The following PCSK5 variants were observed in gnomAD, a reference collection of about 807,000 sequenced individuals.
The protein encoded by PCSK5 is prohormone convertase 5.
A neutral mutation model predicts 233.2 loss-of-function variants in PCSK5; 129 were observed. That is an observed-to-expected ratio of 0.55 (90% confidence interval 0.48 to 0.64). PCSK5 has a LOEUF of 0.64. PCSK5 is among the 30% of genes least tolerant of loss of function. The pLI is 0.00. For synonymous variants in PCSK5, 825 were observed against 879.2 expected (o/e 0.94, Z 1.09); for missense variants, 2,076 against 2,430.1 (o/e 0.85, Z 3.06).
In PCSK5 at chr9:76,360,135, A is replaced by G. The variant is rs1830405860; in HGVS notation, c.*1213A>G. On this transcript the variant is annotated 3_prime_UTR_variant, in exon 38 of 38. Transcript: ENST00000674117. Reference sequence around the variant, plus strand: ...CTTACAGATTTCCTTGTCAAAATAGACCTTACAGGCAGTACTAGAAATGGA... The same window carrying G: ...CTTACAGATTTCCTTGTCAAAATAGGCCTTACAGGCAGTACTAGAAATGGA... 1 of 152,196 alleles carries G rather than the reference A, an allele frequency of 6.6e-6. No homozygotes were observed. The highest frequency in any genetic ancestry group is 2.1e-4 in the South Asian group (1 of 4,828). The allele number at this position is 152,196 out of a possible 1,614,324, so 9.4% of individuals were successfully genotyped here.
At chr9:76,061,166 T>TA (rs1830015355) in intron 5 of PCSK5, among the ~76,000 whole-genome samples, 1 of 152,108 alleles carries the variant, frequency 6.6e-6, no homozygotes, top group Non-Finnish European at 1.5e-5. Flanking sequence ...ACCAACAGTA[T>TA]AATAAATAAG....
chr9:76,206,536 TG>T (rs1371490047), intron 20 of PCSK5, among the ~76,000 whole-genome samples: 3 of 152,164 alleles, frequency 2.0e-5, no homozygotes, highest in Non-Finnish European at 2.9e-5. Context: ...ATTTGAGCAG[TG>T]GGCAGGGCAC....
At position 75,891,176 on chromosome 9, in the gene PCSK5, G is replaced by A. The variant is rs770940928; in HGVS notation, c.-6G>A. The A allele has an allele frequency of 1.4e-6, 2 of 1,462,640 alleles. No individual in the cohort carries two copies. Among genetic ancestry groups the A allele is most frequent in the South Asian group, 1.5e-5 (1 of 65,330 alleles). The allele number at this position is 1,462,640 out of a possible 1,614,324, so 90.6% of individuals were successfully genotyped here. A position where few individuals can be genotyped will look rare whatever the true frequency, so the allele number is the denominator to read the frequency against. ...GCGAGCGAGGGAGCAGCGAGGCGCC[G>A]GGACCATGGGCTGGGGGAGCCGCTG... On this transcript the variant is annotated 5_prime_UTR_variant, in exon 1 of 38. Transcript: ENST00000674117.
At chr9:75,947,054 C>T (rs1054117247) in intron 2 of PCSK5, among the ~76,000 whole-genome samples, 1 of 152,118 alleles carries the variant, frequency 6.6e-6, no homozygotes, top group South Asian at 2.1e-4. Flanking sequence ...GAACAAGTAA[C>T]GTTGCTTCTT....
chr9:75,910,119 G>A (rs897622415), intron 1 of PCSK5, among the ~76,000 whole-genome samples: 21 of 152,288 alleles, frequency 1.4e-4, no homozygotes, highest in African/African-American at 5.1e-4. Context: ...AGACTCATGG[G>A]ATCAGTTCAC....
intron 1 of PCSK5, among the ~76,000 whole-genome samples, chr9:75,898,677 A>AAAAC (rs1554702625): frequency 2.6e-4 from 39 of 149,370 alleles, no homozygotes; most frequent in African/African-American, 9.1e-4. Context: ...AAAAAAAAAA[A>AAAAC]CCCACTAGAG....
intron 2 of PCSK5, among the ~76,000 whole-genome samples, chr9:75,949,674 C>T (rs539187383): frequency 5.9e-5 from 9 of 152,072 alleles, no homozygotes; most frequent in South Asian, 4.2e-4. Flanking sequence ...ACTATAGGCG[C>T]GCACCACCAC....
chr9:76,278,361 G>A (rs1007054474), intron 24 of PCSK5, among the ~76,000 whole-genome samples: 1 of 152,126 alleles, frequency 6.6e-6, no homozygotes, highest in Non-Finnish European at 1.5e-5. Context: ...ATTAGGAAAT[G>A]CCAGGAGACA....
intron 31 of PCSK5, among the ~76,000 whole-genome samples, chr9:76,322,713 A>T (rs1178667081): frequency 6.6e-6 from 1 of 152,204 alleles, no homozygotes; most frequent in Non-Finnish European, 1.5e-5. Flanking sequence ...CAATTTTTTA[A>T]ATCTGTTAAT....
intron 2 of PCSK5, among the ~76,000 whole-genome samples, chr9:75,970,833 G>A (rs186759272): frequency 6.6e-6 from 1 of 152,190 alleles, no homozygotes; most frequent in East Asian, 1.9e-4. Context: ...GTGTTGCCCA[G>A]GCTGGTTCTT....
rs757550088 is a variant in PCSK5 at position 76,040,325 on chromosome 9, G to GTC, written c.632+13346_632+13347dup. Among the ~76,000 whole-genome samples the GTC allele has an allele frequency of 4.6e-3, 367 of 78,960 alleles. 13 individuals are homozygous for GTC. Among genetic ancestry groups the GTC allele is most frequent in the Admixed American group, 8.4e-3 (50 of 5,982 alleles). 51.8% of individuals were successfully genotyped at this position (78,960 alleles called of 152,430 possible). A position where few individuals can be genotyped will look rare whatever the true frequency, so the allele number is the denominator to read the frequency against. On this transcript the variant is annotated intron_variant, in intron 5 of 37. Transcript: ENST00000674117. ...TCTCACTCCCTTAGATGTGTTCTCTGTCTCTCTCTCTCTCTCTCTCTCTCT... is the reference window on the plus strand; with the variant it reads ...TCTCACTCCCTTAGATGTGTTCTCTGTCTCTCTCTCTCTCTCTCTCTCTCTCT...
chr9:76,110,478 T>C (rs1224039723), intron 9 of PCSK5, among the ~76,000 whole-genome samples: 2 of 152,246 alleles, frequency 1.3e-5, no homozygotes, highest in African/African-American at 4.8e-5. Context: ...TGGGTAGGAC[T>C]GTGGTTCATT....
intron 9 of PCSK5, among the ~76,000 whole-genome samples, chr9:76,120,011 G>C (rs376244782): frequency 6.6e-6 from 1 of 151,876 alleles, no homozygotes; most frequent in South Asian, 2.1e-4. Flanking sequence ...AAATTCACTG[G>C]TTTTGATTTT....
At chr9:76,096,188 TATAC>T (rs978587830) in intron 8 of PCSK5, 86 bp downstream of exon 8, 89 of 658,950 alleles carry the variant, frequency 1.4e-4, no homozygotes, top group South Asian at 6.3e-4. Context: ...CATATATATA[TATAC>T]ACACACACAC....
chr9:75,893,098 A>G (rs1825679768), intron 1 of PCSK5, among the ~76,000 whole-genome samples: 1 of 122,722 alleles, frequency 8.1e-6, no homozygotes, highest in South Asian at 2.3e-4. Context: ...GGAGGCTAGC[A>G]CTGAAAGTAG....
At chr9:76,041,189 T>G (rs562082721) in intron 5 of PCSK5, among the ~76,000 whole-genome samples, 2 of 152,358 alleles carry the variant, frequency 1.3e-5, no homozygotes, top group South Asian at 4.1e-4. Flanking sequence ...GTTCTTTTTA[T>G]GTAAAATAAA....
chr9:76,176,653 TC>T (rs1412776993), intron 14 of PCSK5, among the ~76,000 whole-genome samples: 1 of 152,242 alleles, frequency 6.6e-6, no homozygotes, highest in African/African-American at 2.4e-5. Context: ...GTAGTTTTCT[TC>T]TTGTTAGCGT....
chr9:76,038,145 A>G (rs1408662838), intron 5 of PCSK5, among the ~76,000 whole-genome samples: 2 of 152,090 alleles, frequency 1.3e-5, no homozygotes, highest in Non-Finnish European at 2.9e-5. Flanking sequence ...GTTCATTCTC[A>G]AAGGATCACA....
intron 25 of PCSK5, among the ~76,000 whole-genome samples, chr9:76,292,678 G>A (rs7021909): frequency 0.33 from 50,347 of 152,012 alleles, 9,157 homozygotes; most frequent in African/African-American, 0.48. Flanking sequence ...TCAGCTCTTA[G>A]TCATCCCCTA....
Sources: gnomAD v4.1 joint callset for allele counts (sites outside exome capture counted in the v4.1 genomes callset) on GRCh38, gnomAD v4.1.1 for gene constraint, MANE v1.5 for transcripts, NCBI Gene and HGNC (gene_info 2026-07-23, HGNC 2026-07-21) for gene names.